Variants in GALNTL6 observed in about 807,000 individuals in gnomAD.
The protein encoded by GALNTL6 is polypeptide N-acetylgalactosaminyltransferase-like 6.
A neutral mutation model predicts 73.7 loss-of-function variants in GALNTL6; 46 were observed. The ratio of observed to expected loss-of-function variants is 0.62; its 90% CI spans 0.49 to 0.80. GALNTL6 has a LOEUF of 0.80. Ranked by LOEUF, GALNTL6 falls within the 30% of genes least tolerant of loss-of-function variation. The pLI, the probability that GALNTL6 is intolerant of heterozygous loss-of-function variation, is 0.00. For missense variants in GALNTL6, 604 were observed against 755.0 expected (o/e 0.80, Z 2.34); for synonymous variants, 259 against 263.7 (o/e 0.98, Z 0.17).
At chr4:172,187,597 A>G (rs1382347724) in intron 2 of GALNTL6, among the ~76,000 whole-genome samples, 2 of 152,086 alleles carry the variant, frequency 1.3e-5, no homozygotes, top group African/African-American at 2.4e-5. Context: ...TAACCTTTGC[A>G]GTGACAATTT....
rs562248013 is a variant in GALNTL6, at chr4:172,862,560, C to T, written c.924-20230C>T. On this transcript the variant is annotated intron_variant, in intron 7 of 12. Coordinates refer to ENST00000506823, the MANE Select transcript of GALNTL6 (RefSeq NM_001034845.3). Reference sequence around the variant, plus strand: ...CAAAAATACAAAAAACTTAACTGGGCATGGTGGCATGCACTTGTAGTCCCA... The same window carrying T: ...CAAAAATACAAAAAACTTAACTGGGTATGGTGGCATGCACTTGTAGTCCCA... Among the ~76,000 whole-genome samples, 168 of 152,150 alleles carry T rather than the reference C, an allele frequency of 1.1e-3. 2 individuals are homozygous for T. Among genetic ancestry groups the T allele is most frequent in the African/African-American group, 4.0e-3 (165 of 41,524 alleles).
intron 5 of GALNTL6, among the ~76,000 whole-genome samples, chr4:172,803,796 A>G (rs987361333): frequency 6.6e-6 from 1 of 152,222 alleles, no homozygotes; most frequent in Non-Finnish European, 1.5e-5. Flanking sequence ...ATATTCAAGG[A>G]ATACAAATAA....
chr4:172,627,811 C>CT (rs1163827574), intron 5 of GALNTL6, among the ~76,000 whole-genome samples: 1 of 151,926 alleles, frequency 6.6e-6, no homozygotes, highest in Non-Finnish European at 1.5e-5. Flanking sequence ...ATAATAGTCT[C>CT]TGAGAATTTT....
chr4:172,175,300 A>T (rs150076318), intron 2 of GALNTL6, among the ~76,000 whole-genome samples: 1 of 152,226 alleles, frequency 6.6e-6, no homozygotes, highest in African/African-American at 2.4e-5. Flanking sequence ...TCCTGAACTC[A>T]GGTGATCCAC....
At chr4:172,343,247 C>A (rs1296902004) in intron 4 of GALNTL6, among the ~76,000 whole-genome samples, 1 of 152,104 alleles carries the variant, frequency 6.6e-6, no homozygotes, top group Non-Finnish European at 1.5e-5. Flanking sequence ...GCTGCAATCC[C>A]AGAGTTAGAA....
chr4:172,362,638 C>A (rs1005994640), intron 5 of GALNTL6, among the ~76,000 whole-genome samples: 2 of 152,116 alleles, frequency 1.3e-5, no homozygotes, highest in African/African-American at 4.8e-5. Flanking sequence ...TCTTCTCATG[C>A]TTCTGACCTG....
At chr4:172,281,885 T>A (rs1271818357) in intron 3 of GALNTL6, among the ~76,000 whole-genome samples, 1 of 152,186 alleles carries the variant, frequency 6.6e-6, no homozygotes, top group Non-Finnish European at 1.5e-5. Flanking sequence ...GGGGCCATTA[T>A]TAGATTGTTT....
chr4:172,938,358 A>G (rs1368945324), intron 9 of GALNTL6, among the ~76,000 whole-genome samples: 1 of 152,188 alleles, frequency 6.6e-6, no homozygotes, highest in Non-Finnish European at 1.5e-5. Context: ...CGATTAATAA[A>G]TGCTTCTTCA....
intron 7 of GALNTL6, among the ~76,000 whole-genome samples, chr4:172,848,334 T>A (rs1743624369): frequency 6.6e-6 from 1 of 152,188 alleles, no homozygotes; most frequent in South Asian, 2.1e-4. Flanking sequence ...TGTTTCCTTT[T>A]CATTGACCTG....
At chr4:172,052,317 G>A (rs188473403) in intron 2 of GALNTL6, 58 of 615,562 alleles carry the variant, frequency 9.4e-5, no homozygotes, top group Admixed American at 5.1e-4. Context: ...GGAAGAGCTC[G>A]GGTATATTGT....
intron 5 of GALNTL6, among the ~76,000 whole-genome samples, chr4:172,748,468 TA>T (rs1022570973): frequency 3.9e-5 from 6 of 151,988 alleles, no homozygotes; most frequent in African/African-American, 1.5e-4. Flanking sequence ...GTCAAGAATA[TA>T]TTTTTTTTTT....
intron 10 of GALNTL6, among the ~76,000 whole-genome samples, chr4:173,002,299 G>C (rs532742258): frequency 6.6e-6 from 1 of 150,770 alleles, no homozygotes; most frequent in Admixed American, 6.6e-5. Flanking sequence ...CTGAGGCAGC[G>C]GAATCACTTG....
intron 5 of GALNTL6, among the ~76,000 whole-genome samples, chr4:172,657,038 A>T (rs1731067747): frequency 6.6e-6 from 1 of 152,162 alleles, no homozygotes; most frequent in African/African-American, 2.4e-5. Flanking sequence ...GAGAAAAAGG[A>T]AAAGGAGGAG....
intron 5 of GALNTL6, among the ~76,000 whole-genome samples, chr4:172,617,833 A>G (rs948267433): frequency 6.6e-6 from 1 of 152,176 alleles, no homozygotes; most frequent in African/African-American, 2.4e-5. Flanking sequence ...CAAAAGATAA[A>G]TACAAAATAC....
At chr4:171,878,449 G>C (rs563204715) in intron 2 of GALNTL6, among the ~76,000 whole-genome samples, 1 of 151,948 alleles carries the variant, frequency 6.6e-6, no homozygotes, top group Non-Finnish European at 1.5e-5. Context: ...ATGTTTCATT[G>C]CTTTTTTTCA....
intron 5 of GALNTL6, among the ~76,000 whole-genome samples, chr4:172,481,206 T>G (rs1007717288): frequency 6.6e-6 from 1 of 151,738 alleles, no homozygotes. Flanking sequence ...GTTACAGCTC[T>G]TAAGGCAGCC....
intron 3 of GALNTL6, among the ~76,000 whole-genome samples, chr4:172,253,074 G>C (rs769612274): frequency 2.6e-5 from 4 of 151,770 alleles, no homozygotes; most frequent in Non-Finnish European, 4.4e-5. Flanking sequence ...AGTCTAAAAA[G>C]CGGGATGATA....
chr4:172,200,014 T>TA (rs777103363), intron 2 of GALNTL6, among the ~76,000 whole-genome samples: 1 of 152,132 alleles, frequency 6.6e-6, no homozygotes, highest in Non-Finnish European at 1.5e-5. Context: ...GAATTACACA[T>TA]ATAGAGAAGC....
intron 5 of GALNTL6, among the ~76,000 whole-genome samples, chr4:172,743,260 A>G (rs897426724): frequency 6.6e-6 from 1 of 152,052 alleles, no homozygotes; most frequent in East Asian, 1.9e-4. Flanking sequence ...CTTACACCAC[A>G]GCCTAGAGTT....
Sources: gnomAD v4.1 joint callset for allele counts (sites outside exome capture counted in the v4.1 genomes callset) on GRCh38, gnomAD v4.1.1 for gene constraint, MANE v1.5 for transcripts, NCBI Gene and HGNC (gene_info 2026-07-23, HGNC 2026-07-21) for gene names.